Variants in EIF3A observed in about 807,000 individuals in gnomAD.
EIF3A encodes the protein eukaryotic translation initiation factor 3 subunit A, also known as EIF3, p180 subunit.
EIF3A carries 21 observed loss-of-function variants against 186.6 expected under a neutral mutation model. The ratio of observed to expected loss-of-function variants is 0.11; its 90% CI spans 0.08 to 0.16. The LOEUF (loss-of-function observed/expected upper bound fraction) is 0.16, where lower values mean the gene tolerates loss of function less well. EIF3A is among the 10% of genes least tolerant of loss of function. The pLI is 1.00. For missense variants in EIF3A, 1,306 were observed against 1,796.3 expected, an observed-to-expected ratio of 0.73 and a Z score of 4.93; for synonymous variants, 563 against 584.3, an observed-to-expected ratio of 0.96 and a Z score of 0.52.
At chr10:119,044,709 G>C (rs570787432) in intron 17 of EIF3A, among the ~76,000 whole-genome samples, 3 of 151,990 alleles carry the variant, frequency 2.0e-5, no homozygotes, top group Non-Finnish European at 2.9e-5. Context: ...TTAGCCAGGC[G>C]TGGTGGCAGG....
At chr10:119,052,368 TTGTG>T (rs61029991) in intron 14 of EIF3A, among the ~76,000 whole-genome samples, 3,934 of 123,048 alleles carry the variant, frequency 0.032, 181 homozygotes, top group African/African-American at 0.1. Flanking sequence ...TTTTTTGGTT[TTGTG>T]TGTGTGTGTG....
chr10:119,070,696 T>C (rs888628119), intron 5 of EIF3A, among the ~76,000 whole-genome samples, 190 bp downstream of exon 5: 6 of 152,198 alleles, frequency 3.9e-5, no homozygotes, highest in African/African-American at 9.6e-5. Flanking sequence ...CCAGAATTCA[T>C]AGAAGGCAAC....
At chr10:119,037,060 TCC>T (rs11336519) in intron 21 of EIF3A, 57 bp downstream of exon 21, 16,926 of 383,802 alleles carry the variant, frequency 0.044, 23 homozygotes, top group South Asian at 0.1. Context: ...ATAACCCAAA[TCC>T]CCCCCCCCCC....
chr10:119,049,960 T>C lies in EIF3A; in HGVS notation c.2499A>G (p.Glu833=). The C allele has an allele frequency of 6.2e-7, 1 of 1,614,154 alleles. No homozygotes were observed. The highest frequency in any genetic ancestry group is 8.5e-7 in the Non-Finnish European group (1 of 1,180,028). ...GTAGCTCTTCCTCGCGTTTTGCTCG[T>C]TCGGCGCGCTCTCTCTCTTCCCGCT... is the stretch of plus-strand genomic sequence containing the variant. ...LKEREERERA[E]RAKREEELRE... Residue 833 remains glutamate (E), a synonymous_variant, in exon 17 of 22, where the codon GAA becomes GAG. Transcript: ENST00000369144.
intron 9 of EIF3A, among the ~76,000 whole-genome samples, chr10:119,060,335 T>C (rs1028016105): frequency 6.6e-6 from 1 of 152,186 alleles, no homozygotes; most frequent in Admixed American, 6.5e-5. Flanking sequence ...ACCCTATGAC[T>C]AATTCCACTT....
chr10:119,075,978 G>A (rs1168133277), intron 1 of EIF3A, among the ~76,000 whole-genome samples: 23 of 132,536 alleles, frequency 1.7e-4, no homozygotes, highest in East Asian at 8.8e-4. Context: ...TGCCCACCTC[G>A]GCCTCCCAAA....
intron 7 of EIF3A, among the ~76,000 whole-genome samples, chr10:119,061,675 T>A (rs1564756323): frequency 6.6e-6 from 1 of 152,216 alleles, no homozygotes; most frequent in Non-Finnish European, 1.5e-5. Context: ...TTTACTTTTA[T>A]ATAAATTATC....
intron 6 of EIF3A, among the ~76,000 whole-genome samples, chr10:119,067,428 A>G (rs1843999011): frequency 6.6e-6 from 1 of 152,082 alleles, no homozygotes; most frequent in Non-Finnish European, 1.5e-5. Flanking sequence ...TGCCTCCACA[A>G]AAAAAATTAA....
intron 17 of EIF3A, 134 bp from the exon 18 acceptor site, chr10:119,044,276 T>C (rs658352): frequency 0.36 from 235,122 of 645,148 alleles, 44,860 homozygotes; most frequent in Non-Finnish European, 0.4. Context: ...TAAAATTTCA[T>C]TTATTTTTTA....
At position 119,064,284 on chromosome 10, in the gene EIF3A, G is replaced by A. The variant is rs76416905; in HGVS notation, c.1122+1115C>T. Among the ~76,000 whole-genome samples, 335 of 152,272 alleles carry A rather than the reference G, an allele frequency of 2.2e-3. 2 individuals carry two copies. The highest frequency in any genetic ancestry group is 7.7e-3 in the African/African-American group (320 of 41,536). On this transcript the variant is annotated intron_variant, in intron 7 of 21. Transcript: ENST00000369144. Reference sequence around the variant, plus strand: ...AAAATATTTTAGTTCTTCAGACATTGAACATCAGACACTGAAGGTAAGTCT... The same window carrying A: ...AAAATATTTTAGTTCTTCAGACATTAAACATCAGACACTGAAGGTAAGTCT...
intron 14 of EIF3A, among the ~76,000 whole-genome samples, chr10:119,052,368 T>TGTGTGTGTGTGTGTGTGTGTGTGTGTGTG (rs1848367766): frequency 5.6e-4 from 69 of 123,056 alleles, no homozygotes; most frequent in East Asian, 4.6e-3. Flanking sequence ...TTTTTTGGTT[T>TGTGTGTGTGTGTGTGTGTGTGTGTGTGTG]TGTGTGTGTG....
chr10:119,056,691 G>C (rs535309897), intron 14 of EIF3A, 49 bp downstream of exon 14: 4 of 1,217,132 alleles, frequency 3.3e-6, no homozygotes, highest in Non-Finnish European at 4.8e-6. Flanking sequence ...ATTACTGGCA[G>C]AGGATTTTAT....
rs1848109043 is a variant in EIF3A, at chr10:119,035,015, A to C, written c.*1024T>G. 6.6e-6 allele frequency: 1 copy of C among 152,664 alleles called. No homozygotes were observed. The highest frequency in any genetic ancestry group is 2.1e-4 in the South Asian group (1 of 4,838). The allele number at this position is 152,664 out of a possible 1,614,324, so 9.5% of individuals were successfully genotyped here. A position where few individuals can be genotyped will look rare whatever the true frequency, so the allele number is the denominator to read the frequency against. ...GCAAACTTACCATTATAAACAAAAT[A>C]CTATAACCACAAATCAACACTAAAA... On this transcript the variant is annotated 3_prime_UTR_variant, in exon 22 of 22. Coordinates refer to ENST00000369144, the MANE Select transcript of EIF3A (RefSeq NM_003750.4).
chr10:119,073,337 A>C, intron 3 of EIF3A, 104 bp downstream of exon 3: 1 of 931,206 alleles, frequency 1.1e-6, no homozygotes, highest in Non-Finnish European at 1.6e-6. Flanking sequence ...AAAGATTTGC[A>C]TTTTTTTCTG....
chr10:119,058,398 T>G (rs1843826770), intron 11 of EIF3A, 95 bp from the exon 12 acceptor site: 1 of 821,382 alleles, frequency 1.2e-6, no homozygotes, highest in African/African-American at 1.7e-5. Flanking sequence ...ATGTACTGCC[T>G]TTCTATGTAT....
At chr10:119,044,681 T>C (rs1288719155) in intron 17 of EIF3A, among the ~76,000 whole-genome samples, 1 of 152,062 alleles carries the variant, frequency 6.6e-6, no homozygotes, top group Non-Finnish European at 1.5e-5. Context: ...ACCCTGTCTC[T>C]ACTAAAAATA....
intron 19 of EIF3A, among the ~76,000 whole-genome samples, chr10:119,041,631 T>A (rs368881631): frequency 8.5e-5 from 13 of 152,166 alleles, no homozygotes; most frequent in African/African-American, 3.1e-4. Context: ...CAAAAATAAA[T>A]ATATAAAGTA....
At chr10:119,050,467 A>G in intron 16 of EIF3A, 54 bp downstream of exon 16, 11 of 1,557,368 alleles carry the variant, frequency 7.1e-6, no homozygotes, top group Non-Finnish European at 8.8e-6. Flanking sequence ...TAAAAACTAG[A>G]TCTTAACACC....
intron 17 of EIF3A, among the ~76,000 whole-genome samples, chr10:119,048,280 GA>G (rs1347629903): frequency 2.0e-5 from 3 of 152,058 alleles, no homozygotes; most frequent in African/African-American, 7.2e-5. Flanking sequence ...TGATGAGGAA[GA>G]CGAGTAAGTA....
Sources: gnomAD v4.1 joint callset for allele counts (sites outside exome capture counted in the v4.1 genomes callset) on GRCh38, gnomAD v4.1.1 for gene constraint, MANE v1.5 for transcripts, NCBI Gene and HGNC (gene_info 2026-07-23, HGNC 2026-07-21) for gene names.